The following PLA2G5 variants were observed in gnomAD, a reference collection of about 807,000 sequenced individuals.
PLA2G5 encodes the protein phospholipase A2 group V.
PLA2G5 carries 12 observed loss-of-function variants against 15.9 expected under a neutral mutation model. The ratio of observed to expected loss-of-function variants is 0.76; its 90% CI spans 0.48 to 1.23. PLA2G5 has a LOEUF of 1.23. PLA2G5 is among the 50% of genes most tolerant of loss of function. The probability of loss-of-function intolerance (pLI) is 0.00; values close to 1 mark genes in which losing one functional copy is unlikely to be tolerated. For synonymous variants in PLA2G5, 71 were observed against 71.4 expected, an observed-to-expected ratio of 0.99 and a Z score of 0.03; for missense variants, 169 against 177.1, an observed-to-expected ratio of 0.95 and a Z score of 0.26.
At chr1:20,078,722 G>A (rs563611997) in intron 1 of PLA2G5, among the ~76,000 whole-genome samples, 2 of 152,212 alleles carry the variant, frequency 1.3e-5, no homozygotes, top group South Asian at 2.1e-4. Context: ...GGGTTCATGG[G>A]GGCCTTAAGG....
chr1:20,070,157 G>A (rs2015275676), upstream of PLA2G5: 2 of 980,300 alleles, frequency 2.0e-6, no homozygotes, highest in Non-Finnish European at 2.4e-6. Flanking sequence ...CCAGCCACAG[G>A]CCCTGATTGT....
chr1:20,072,912 G>T (rs1033490350), intron 1 of PLA2G5, among the ~76,000 whole-genome samples: 2 of 152,204 alleles, frequency 1.3e-5, no homozygotes, highest in East Asian at 1.9e-4. Flanking sequence ...GTGCTTGCAC[G>T]GGTGGATTTC....
intron 1 of PLA2G5, among the ~76,000 whole-genome samples, chr1:20,055,729 T>C (rs985265281): frequency 2.0e-5 from 3 of 152,208 alleles, no homozygotes; most frequent in African/African-American, 7.2e-5. Context: ...TTTTAGATTT[T>C]TGCTTCCCTA....
intron 1 of PLA2G5, among the ~76,000 whole-genome samples, chr1:20,084,089 T>C (rs1427154429): frequency 1.3e-5 from 2 of 151,092 alleles, no homozygotes; most frequent in African/African-American, 4.9e-5. Flanking sequence ...TGAATATAGA[T>C]ATAAAGATAT....
chr1:20,087,596 A>G (rs1444140044), intron 3 of PLA2G5, among the ~76,000 whole-genome samples: 1 of 152,114 alleles, frequency 6.6e-6, no homozygotes, highest in Non-Finnish European at 1.5e-5. Flanking sequence ...AGGGTCTAAA[A>G]GAAATGACAT....
intron 1 of PLA2G5, among the ~76,000 whole-genome samples, chr1:20,079,610 G>A (rs143793409): frequency 3.3e-5 from 5 of 152,112 alleles, no homozygotes; most frequent in African/African-American, 7.2e-5. Flanking sequence ...TCCTGGGCTC[G>A]GGCCATCCTC....
At chr1:20,039,553 T>C (rs1275910485) in intron 1 of PLA2G5, among the ~76,000 whole-genome samples, 1 of 152,344 alleles carries the variant, frequency 6.6e-6, no homozygotes, top group East Asian at 1.9e-4. Flanking sequence ...TAAAAAATAC[T>C]GGATTTAACA....
At position 20,086,207 on chromosome 1, in the gene PLA2G5, C is replaced by G. The variant is rs764470702; in HGVS notation, c.165C>G (p.Thr55=). The change falls in exon 3 of 5, where the codon ACC becomes ACG. Residue 55 remains threonine, a synonymous_variant. Transcript: ENST00000375108. ...GCYCGWGGRG[T]PKDGTDWCCW... is the part of the protein sequence containing the mutation. ...ACTGCGGCTGGGGCGGCCGAGGAAC[C>G]CCCAAGGATGGCACCGATTGGTGAG... 1.2e-6 allele frequency: 2 copies of G among 1,614,132 alleles called. No individual in the cohort carries two copies. Among genetic ancestry groups the G allele is most frequent in the Non-Finnish European group, 1.7e-6 (2 of 1,180,010 alleles).
chr1:20,090,005 C>A, intron 4 of PLA2G5, 110 bp downstream of exon 4: 2 of 739,250 alleles, frequency 2.7e-6, no homozygotes, highest in Non-Finnish European at 2.3e-6. Context: ...GAGTTGGGTG[C>A]AGAACTGGGA....
At chr1:20,079,296 C>T (rs901386295) in intron 1 of PLA2G5, among the ~76,000 whole-genome samples, 3 of 152,054 alleles carry the variant, frequency 2.0e-5, no homozygotes, top group African/African-American at 7.2e-5. Flanking sequence ...TTTGCTATGG[C>T]TCTAAGTTAT....
intron 1 of PLA2G5, among the ~76,000 whole-genome samples, chr1:20,048,193 A>G (rs2014013301): frequency 6.6e-6 from 1 of 152,202 alleles, no homozygotes; most frequent in South Asian, 2.1e-4. Context: ...GAAAAAAGAA[A>G]AGAGTAGTCA....
At chr1:20,068,855 T>C (rs1231713959), upstream of PLA2G5, 12 of 832,850 alleles carry the variant, frequency 1.4e-5, no homozygotes, top group African/African-American at 8.8e-5. Context: ...TGTTTTCCAA[T>C]GTGTTGCCTC....
chr1:20,075,868 C>CT (rs534879331), intron 1 of PLA2G5, among the ~76,000 whole-genome samples: 15,658 of 121,628 alleles, frequency 0.13, 1,626 homozygotes, highest in African/African-American at 0.26. Context: ...ATTTCTTTCT[C>CT]TTTTTTTTTT....
intron 1 of PLA2G5, among the ~76,000 whole-genome samples, chr1:20,029,471 G>T (rs1319271733): frequency 7.9e-5 from 12 of 152,004 alleles, no homozygotes; most frequent in Non-Finnish European, 2.9e-5. Context: ...TCCTCTTGAC[G>T]TGCAGCCGCT....
At chr1:20,043,723 G>T (rs997831193) in intron 1 of PLA2G5, among the ~76,000 whole-genome samples, 2 of 152,204 alleles carry the variant, frequency 1.3e-5, no homozygotes, top group Admixed American at 1.3e-4. Context: ...GTCCAAGTTG[G>T]CACAAGAGTG....
chr1:20,065,352 A>G (rs1486464713), upstream of PLA2G5, among the ~76,000 whole-genome samples: 1 of 152,212 alleles, frequency 6.6e-6, no homozygotes, highest in African/African-American at 2.4e-5. Flanking sequence ...GCATAATGTC[A>G]TGTATCCACC....
At chr1:20,043,605 G>A (rs1279177035) in intron 1 of PLA2G5, among the ~76,000 whole-genome samples, 1 of 152,150 alleles carries the variant, frequency 6.6e-6, no homozygotes, top group East Asian at 1.9e-4. Flanking sequence ...AGCTGTGGCT[G>A]TAGTCCAGGA....
chr1:20,090,281 C>T (rs775970129), intron 4 of PLA2G5, among the ~76,000 whole-genome samples: 4 of 152,150 alleles, frequency 2.6e-5, no homozygotes, highest in African/African-American at 7.2e-5. Flanking sequence ...AGAGTTCCTC[C>T]AGAGCAGCGG....
At chr1:20,037,127 C>T (rs549481873) in intron 1 of PLA2G5, among the ~76,000 whole-genome samples, 308 of 152,270 alleles carry the variant, frequency 2.0e-3, no homozygotes, top group African/African-American at 7.3e-3. Flanking sequence ...GTTAAAGAAC[C>T]TTGCTCTGTC....
Sources: allele counts gnomAD v4.1 joint callset (sites outside exome capture counted in the v4.1 genomes callset), GRCh38; gene constraint gnomAD v4.1.1; transcripts MANE v1.5; gene names NCBI Gene and HGNC (gene_info 2026-07-23, HGNC 2026-07-21).